MORN5: variants seen among roughly 807,000 people sequenced by gnomAD.
MORN5 encodes MORN repeat-containing protein 5.
MORN5 carries 21 observed loss-of-function variants against 22.1 expected under a neutral mutation model. That is an observed-to-expected ratio of 0.95 (90% confidence interval 0.67 to 1.37). MORN5 has a LOEUF of 1.37. Ranked by LOEUF, MORN5 falls within the 40% of genes most tolerant of loss-of-function variation. The pLI is 0.00. For missense variants in MORN5, 211 were observed against 215.1 expected (o/e 0.98, Z 0.12); for synonymous variants, 73 against 74.0 (o/e 0.99, Z 0.07).
At chr9:122,169,859 G>T in intron 3 of MORN5, 103 bp downstream of exon 3, 1 of 843,816 alleles carries the variant, frequency 1.2e-6, no homozygotes, top group Middle Eastern at 2.3e-4. Context: ...TAAAGGGGAA[G>T]AGGAACTGAG....
chr9:122,187,932 T>C (rs1365165565), intron 4 of MORN5, among the ~76,000 whole-genome samples: 1 of 152,166 alleles, frequency 6.6e-6, no homozygotes, highest in African/African-American at 2.4e-5. Context: ...AGGTGGATTC[T>C]GCTGCATGGA....
At position 122,164,645 on chromosome 9, in the gene MORN5, A is replaced by C. The variant is rs975767255; in HGVS notation, c.48-2123A>C. The C allele has an allele frequency of 5.1e-6, 5 of 985,344 alleles. No individual in the cohort carries two copies. The Admixed American group carries it at 1.8e-4, about 36-fold the overall frequency. 61.0% of individuals were successfully genotyped at this position (985,344 alleles called of 1,614,324 possible). ...AGGTCTGAACAGTGATGTCCAGTTC[A>C]AGGTAAGAAAAGGGGTGGGGTCTAA... is the stretch of plus-strand genomic sequence containing the variant. On this transcript the variant is annotated intron_variant, in intron 1 of 4. Coordinates refer to ENST00000373764, the MANE Select transcript of MORN5 (RefSeq NM_198469.4).
chr9:122,171,752 C>T (rs764522105), intron 3 of MORN5, among the ~76,000 whole-genome samples: 4 of 151,952 alleles, frequency 2.6e-5, no homozygotes, highest in Admixed American at 1.3e-4. Flanking sequence ...TGGATTTTAC[C>T]TCTGAAATAT....
chr9:122,188,702 A>G (rs900196354), intron 4 of MORN5, among the ~76,000 whole-genome samples: 3 of 152,208 alleles, frequency 2.0e-5, no homozygotes, highest in African/African-American at 7.2e-5. Flanking sequence ...CATGGATTCA[A>G]TTATAAGTGC....
At chr9:122,172,768 A>C (rs1829384583) in intron 3 of MORN5, among the ~76,000 whole-genome samples, 1 of 152,204 alleles carries the variant, frequency 6.6e-6, no homozygotes, top group African/African-American at 2.4e-5. Flanking sequence ...AGTTATTGTC[A>C]AACAGGGATA....
intron 3 of MORN5, among the ~76,000 whole-genome samples, chr9:122,171,902 C>CT (rs966541736): frequency 1.3e-5 from 2 of 151,016 alleles, no homozygotes; most frequent in African/African-American, 4.9e-5. Context: ...GAGATCCCCA[C>CT]TTGGCGCCCT....
At chr9:122,162,583 CA>C (rs1267167145) in intron 1 of MORN5, among the ~76,000 whole-genome samples, 2 of 152,038 alleles carry the variant, frequency 1.3e-5, no homozygotes, top group African/African-American at 4.8e-5. Context: ...ATGTCATCAA[CA>C]GGGGAATGAA....
chr9:122,189,728 T>A (rs1008251941), intron 4 of MORN5, among the ~76,000 whole-genome samples: 1 of 152,112 alleles, frequency 6.6e-6, no homozygotes, highest in African/African-American at 2.4e-5. Flanking sequence ...TGCCTCAGCC[T>A]CCTGAGTAGC....
intron 4 of MORN5, among the ~76,000 whole-genome samples, chr9:122,187,417 A>G (rs1233601575): frequency 1.3e-5 from 2 of 152,208 alleles, no homozygotes; most frequent in African/African-American, 4.8e-5. Flanking sequence ...TTATGCACCT[A>G]GAGCCTTAGG....
intron 1 of MORN5, among the ~76,000 whole-genome samples, chr9:122,165,736 A>G (rs1829267208): frequency 6.6e-6 from 1 of 152,172 alleles, no homozygotes; most frequent in South Asian, 2.1e-4. Flanking sequence ...CCCCCCGAGG[A>G]CAGGGACCGC....
intron 1 of MORN5, among the ~76,000 whole-genome samples, chr9:122,160,733 G>C (rs1368413965): frequency 2.0e-5 from 3 of 151,980 alleles, no homozygotes; most frequent in Non-Finnish European, 4.4e-5. Context: ...TCCCACCTCA[G>C]CCTCCCAAGT....
intron 4 of MORN5, among the ~76,000 whole-genome samples, chr9:122,179,201 G>A (rs902668397): frequency 2.0e-5 from 3 of 152,182 alleles, no homozygotes; most frequent in Non-Finnish European, 4.4e-5. Context: ...TCAGGGGCAT[G>A]AGCTAACAGT....
At chr9:122,192,604 C>T (rs1354315855) in intron 4 of MORN5, among the ~76,000 whole-genome samples, 1 of 152,238 alleles carries the variant, frequency 6.6e-6, no homozygotes, top group Admixed American at 6.5e-5. Context: ...AGACCCGGCA[C>T]AGCTGTGCCC....
At chr9:122,199,164 G>A (rs1829958196) in intron 4 of MORN5, among the ~76,000 whole-genome samples, 1 of 152,196 alleles carries the variant, frequency 6.6e-6, no homozygotes, top group South Asian at 2.1e-4. Flanking sequence ...TTAAAAAACA[G>A]CACAGGCTTT....
intron 4 of MORN5, among the ~76,000 whole-genome samples, chr9:122,195,960 T>G (rs1190476782): frequency 1.3e-5 from 2 of 149,946 alleles, no homozygotes; most frequent in Non-Finnish European, 2.9e-5. Context: ...ACCTAGAAAT[T>G]TTGTTTTATA....
At position 122,170,355 on chromosome 9, in the gene MORN5, G is replaced by T. The variant is rs771313281; in HGVS notation, c.307+599G>T. 1.2e-4 allele frequency among the ~76,000 whole-genome samples: 18 copies of T among 151,942 alleles called. No individual in the cohort carries two copies. In the Middle Eastern group the frequency reaches 0.017, roughly 145 times the overall value. On this transcript the variant is annotated intron_variant, in intron 3 of 4. Transcript: ENST00000373764. ...ATAGCATCATCTACCTCCCAAGATT[G>T]TTGTAAATAAGATAATTCATGTCAG...
chr9:122,182,096 T>G (rs1010505325), intron 4 of MORN5, among the ~76,000 whole-genome samples: 1 of 152,216 alleles, frequency 6.6e-6, no homozygotes, highest in Non-Finnish European at 1.5e-5. Flanking sequence ...TGCAAATGCT[T>G]GATTATGGCA....
chr9:122,186,634 T>G (rs1191341806), intron 4 of MORN5, among the ~76,000 whole-genome samples: 1 of 151,954 alleles, frequency 6.6e-6, no homozygotes, highest in East Asian at 1.9e-4. Context: ...CCCTGGAAAT[T>G]CCCCTTCCAG....
At chr9:122,191,935 C>T (rs1829778179) in intron 4 of MORN5, among the ~76,000 whole-genome samples, 1 of 152,260 alleles carries the variant, frequency 6.6e-6, no homozygotes, top group Non-Finnish European at 1.5e-5. Context: ...CTTAAGGACG[C>T]TCCCTTACAG....
Sources: gnomAD v4.1 joint callset for allele counts (sites outside exome capture counted in the v4.1 genomes callset) on GRCh38, gnomAD v4.1.1 for gene constraint, MANE v1.5 for transcripts, NCBI Gene and HGNC (gene_info 2026-07-23, HGNC 2026-07-21) for gene names.